METTL15: variants seen among roughly 807,000 people sequenced by gnomAD.
The protein encoded by METTL15 is methyltransferase 15, mitochondrial 12S rRNA N4-cytidine, also known as 12S rRNA N(4)-cytidine methyltransferase METTL15.
METTL15 carries 34 observed loss-of-function variants against 38.3 expected under a neutral mutation model. That is an observed-to-expected ratio of 0.89 (90% CI 0.68 to 1.18). The LOEUF (loss-of-function observed/expected upper bound fraction) is 1.18. METTL15 is among the 50% of genes most tolerant of loss of function. The pLI is 0.00. For missense variants in METTL15, 438 were observed against 498.4 expected, an observed-to-expected ratio of 0.88 and a Z score of 1.15; for synonymous variants, 162 against 170.9, an observed-to-expected ratio of 0.95 and a Z score of 0.41.
intron 6 of METTL15, among the ~76,000 whole-genome samples, chr11:28,478,939 G>C (rs936205837): frequency 6.6e-6 from 1 of 152,066 alleles, no homozygotes; most frequent in Admixed American, 6.6e-5. Flanking sequence ...GAGGCCCCAT[G>C]GTTAAGGTGC....
At chr11:28,161,195 T>G (rs1850451718) in intron 3 of METTL15, among the ~76,000 whole-genome samples, 1 of 149,298 alleles carries the variant, frequency 6.7e-6, no homozygotes, top group African/African-American at 2.4e-5. Context: ...CAATCTCAGC[T>G]CACTGCCACT....
intron 3 of METTL15, chr11:28,164,215 T>C (rs1259996766): frequency 6.6e-6 from 1 of 152,058 alleles, no homozygotes; most frequent in Non-Finnish European, 1.5e-5. Context: ...TAACGGCTTA[T>C]TTGTGAACAA....
intron 6 of METTL15, among the ~76,000 whole-genome samples, chr11:28,456,785 G>A (rs925925019): frequency 1.3e-5 from 2 of 152,208 alleles, no homozygotes; most frequent in Middle Eastern, 3.4e-3. Flanking sequence ...CAAAGACCAC[G>A]TGTGTGTAAT....
chr11:28,195,074 C>G (rs577976957), intron 3 of METTL15, among the ~76,000 whole-genome samples: 2 of 152,104 alleles, frequency 1.3e-5, no homozygotes, highest in African/African-American at 4.8e-5. Flanking sequence ...GGTATATATA[C>G]CACATTTTCT....
chr11:28,383,412 T>C (rs143549308), intron 5 of METTL15, among the ~76,000 whole-genome samples: 1 of 152,310 alleles, frequency 6.6e-6, no homozygotes, highest in Non-Finnish European at 1.5e-5. Flanking sequence ...TTGTGAATAG[T>C]GCTGGAATAA....
At chr11:28,361,199 G>C (rs988308713) in intron 4 of METTL15, among the ~76,000 whole-genome samples, 4 of 149,736 alleles carry the variant, frequency 2.7e-5, no homozygotes, top group African/African-American at 1.0e-4. Flanking sequence ...TGGGTCAAAT[G>C]GTATTTCTAG....
At chr11:28,318,554 AC>A (rs1188919028) in intron 6 of METTL15, among the ~76,000 whole-genome samples, 1 of 152,194 alleles carries the variant, frequency 6.6e-6, no homozygotes, top group African/African-American at 2.4e-5. Flanking sequence ...ATGTATAACA[AC>A]AAGTGTATTT....
chr11:28,397,282 A>G (rs1850581329), intron 5 of METTL15, among the ~76,000 whole-genome samples: 1 of 152,152 alleles, frequency 6.6e-6, no homozygotes, highest in Admixed American at 6.5e-5. Context: ...AGCAAAAGAA[A>G]CTACCATCAG....
In METTL15 at chr11:28,279,990, C is replaced by T. The variant is rs1240166039; in HGVS notation, c.408-10216C>T. 2.0e-5 allele frequency among the ~76,000 whole-genome samples: 3 copies of T among 151,630 alleles called. No individual in the cohort carries two copies. In the East Asian group the frequency reaches 5.8e-4, roughly 29 times the overall value. On this transcript the variant is annotated intron_variant, in intron 4 of 6. Transcript: ENST00000407364. The stretch of plus-strand genomic sequence containing the variant: ...TCCAGGACATTGTAATTGCAAGGAC[C>T]TTGGATCATGTTAACTACATTAATT...
intron 3 of METTL15, among the ~76,000 whole-genome samples, chr11:28,158,739 G>C (rs1433476394): frequency 6.6e-6 from 1 of 152,174 alleles, no homozygotes; most frequent in Non-Finnish European, 1.5e-5. Flanking sequence ...GGCTTAAGAA[G>C]TGCAGCAGTG....
chr11:28,400,874 G>A (rs1850624288), intron 5 of METTL15, among the ~76,000 whole-genome samples: 1 of 151,910 alleles, frequency 6.6e-6, no homozygotes, highest in Admixed American at 6.6e-5. Context: ...CCATTGAATT[G>A]AACAGAATTG....
intron 5 of METTL15, among the ~76,000 whole-genome samples, chr11:28,415,212 A>G (rs546618046): frequency 6.6e-6 from 1 of 152,352 alleles, no homozygotes; most frequent in South Asian, 2.1e-4. Flanking sequence ...TAGAGTTAGA[A>G]CTTGCAGTGC....
intron 4 of METTL15, among the ~76,000 whole-genome samples, chr11:28,245,988 C>A (rs1458639089): frequency 6.6e-6 from 1 of 151,850 alleles, no homozygotes; most frequent in Non-Finnish European, 1.5e-5. Context: ...GGACATAGAG[C>A]CAAACCAAAT....
chr11:28,286,970 T>TATGTACTCTCC (rs1450956696), intron 4 of METTL15, among the ~76,000 whole-genome samples: 1 of 150,778 alleles, frequency 6.6e-6, no homozygotes, highest in Non-Finnish European at 1.5e-5. Context: ...ACTATATATA[T>TATGTACTCTCC]ATGTACTCTC....
intron 3 of METTL15, among the ~76,000 whole-genome samples, chr11:28,114,292 T>G (rs1329889792): frequency 6.6e-6 from 1 of 152,212 alleles, no homozygotes; most frequent in African/African-American, 2.4e-5. Flanking sequence ...TCTTCCATGG[T>G]GTTGCATGTA....
intron 3 of METTL15, among the ~76,000 whole-genome samples, chr11:28,155,865 A>T (rs551347568): frequency 1.8e-4 from 27 of 152,298 alleles, no homozygotes; most frequent in African/African-American, 6.0e-4. Flanking sequence ...ATTTTTTAAA[A>T]GGTTTTTTAC....
intron 6 of METTL15, among the ~76,000 whole-genome samples, chr11:28,475,582 T>A (rs777170521): frequency 6.6e-6 from 1 of 152,210 alleles, no homozygotes; most frequent in Non-Finnish European, 1.5e-5. Flanking sequence ...CCAGATCTTC[T>A]ACAGGGTGTA....
chr11:28,405,292 C>T (rs1314028583), intron 5 of METTL15, among the ~76,000 whole-genome samples: 1 of 152,110 alleles, frequency 6.6e-6, no homozygotes, highest in African/African-American at 2.4e-5. Flanking sequence ...GAATATAGAT[C>T]AATCAGTGTT....
intron 6 of METTL15, among the ~76,000 whole-genome samples, chr11:28,482,851 C>G (rs1851406778): frequency 6.6e-6 from 1 of 152,182 alleles, no homozygotes; most frequent in East Asian, 1.9e-4. Context: ...TCAAGTAGCA[C>G]TGTTTGAACT....
Sources: gnomAD v4.1 joint callset for allele counts (sites outside exome capture counted in the v4.1 genomes callset) on GRCh38, gnomAD v4.1.1 for gene constraint, MANE v1.5 for transcripts, NCBI Gene and HGNC (gene_info 2026-07-23, HGNC 2026-07-21) for gene names.